Variants in RASGRF2 observed in about 807,000 individuals in gnomAD.
RASGRF2 encodes the protein Ras protein specific guanine nucleotide releasing factor 2.
In RASGRF2, 76 loss-of-function variants were observed where a neutral mutation model predicts 151.0. The observed-to-expected ratio is 0.50, with a 90% confidence interval of 0.42 to 0.61. RASGRF2 has a LOEUF of 0.61. Among genes scored for constraint, RASGRF2 ranks in the 20% least tolerant of loss-of-function variants. The probability of loss-of-function intolerance (pLI) is 0.00; values close to 1 mark genes in which losing one functional copy is unlikely to be tolerated. For missense variants in RASGRF2, 1,148 were observed against 1,564.6 expected, an observed-to-expected ratio of 0.73 and a Z score of 4.49; for synonymous variants, 504 against 566.5, an observed-to-expected ratio of 0.89 and a Z score of 1.57.
intron 12 of RASGRF2, among the ~76,000 whole-genome samples, chr5:81,105,665 G>C (rs756279872): frequency 1.3e-5 from 2 of 152,176 alleles, no homozygotes; most frequent in Non-Finnish European, 2.9e-5. Context: ...TACCCAAGGG[G>C]CTTCCTCAGT....
At chr5:81,172,434 CGTGTGTGTGT>C (rs57957668) in intron 17 of RASGRF2, among the ~76,000 whole-genome samples, 3,906 of 145,572 alleles carry the variant, frequency 0.027, 136 homozygotes, top group African/African-American at 0.084. Context: ...CAAGGATGTG[CGTGTGTGTGT>C]GTGTGTGTGT....
chr5:81,096,836 C>G (rs1208795378), intron 12 of RASGRF2, among the ~76,000 whole-genome samples: 1 of 152,042 alleles, frequency 6.6e-6, no homozygotes, highest in Non-Finnish European at 1.5e-5. Flanking sequence ...ACAACTTCCT[C>G]CTTATTTCTC....
intron 1 of RASGRF2, among the ~76,000 whole-genome samples, chr5:80,982,579 T>TTTATTATTATTATTATTA (rs1580165324): frequency 2.3e-5 from 1 of 43,818 alleles, no homozygotes; most frequent in East Asian, 1.1e-3. Context: ...GAAATTTGGT[T>TTTATTATTATTATTATTA]CTATTATTAT....
intron 1 of RASGRF2, among the ~76,000 whole-genome samples, chr5:81,040,680 G>A (rs1750651121): frequency 6.6e-6 from 1 of 152,186 alleles, no homozygotes; most frequent in Admixed American, 6.5e-5. Context: ...TGGTTCCTGT[G>A]CTTTTTGCTA....
At chr5:81,219,342 A>C (rs557224281) in intron 25 of RASGRF2, among the ~76,000 whole-genome samples, 7 of 152,224 alleles carry the variant, frequency 4.6e-5, no homozygotes, top group African/African-American at 1.4e-4. Context: ...CGGCCTCCCA[A>C]AGTGCTGGGA....
intron 17 of RASGRF2, among the ~76,000 whole-genome samples, chr5:81,155,938 C>T (rs1332411624): frequency 1.3e-5 from 2 of 152,148 alleles, no homozygotes; most frequent in South Asian, 2.1e-4. Context: ...ATCTAAACAA[C>T]TTTATCTTGC....
intron 18 of RASGRF2, among the ~76,000 whole-genome samples, chr5:81,193,808 G>A (rs759176866): frequency 2.6e-5 from 4 of 152,286 alleles, no homozygotes; most frequent in Non-Finnish European, 4.4e-5. Context: ...ATGAGCTACC[G>A]TGCCCAGCTC....
chr5:81,144,361 A>G (rs966858884), intron 17 of RASGRF2, among the ~76,000 whole-genome samples: 1 of 152,186 alleles, frequency 6.6e-6, no homozygotes, highest in Non-Finnish European at 1.5e-5. Context: ...ATCCCCTTAG[A>G]CTGTAGGTCC....
At chr5:81,194,179 TAAAAAAA>T (rs34067957) in intron 18 of RASGRF2, among the ~76,000 whole-genome samples, 1 of 131,032 alleles carries the variant, frequency 7.6e-6, no homozygotes, top group African/African-American at 2.9e-5. Context: ...GCCCCATCTC[TAAAAAAA>T]AAAAAAAAAA....
At chr5:81,149,486 G>A (rs1158716791) in intron 17 of RASGRF2, among the ~76,000 whole-genome samples, 1 of 152,070 alleles carries the variant, frequency 6.6e-6, no homozygotes, top group Non-Finnish European at 1.5e-5. Context: ...AGGAAGGGTG[G>A]GAGGGGAGGA....
At chr5:81,190,352 G>A (rs748764527) in intron 18 of RASGRF2, among the ~76,000 whole-genome samples, 30 of 152,242 alleles carry the variant, frequency 2.0e-4, no homozygotes, top group East Asian at 1.4e-3. Context: ...TGCCTTAGGC[G>A]TCACATTTCA....
Position 81,073,329 on chromosome 5 carries a change from A to G in RASGRF2, c.764A>G (p.Glu255Gly). The change falls in exon 5 of 27, where the codon GAG becomes GGG. Residue 255 changes from glutamate (E) to glycine (G), a missense_variant. Coordinates refer to ENST00000265080, the MANE Select transcript of RASGRF2 (RefSeq NM_006909.3). ...ATTGTGTTCACCATGGTGGAGGCAGAGTCAGAGTACGTTCACCAGCTCTAC... is the reference window on the plus strand; with the variant it reads ...ATTGTGTTCACCATGGTGGAGGCAGGGTCAGAGTACGTTCACCAGCTCTAC... ...NQIVFTMVEA[E>G]SEYVHQLYIL... 1.5e-5 allele frequency: 24 copies of G among 1,614,186 alleles called. No homozygotes were observed. The highest frequency in any genetic ancestry group is 2.0e-5 in the Non-Finnish European group (24 of 1,180,022).
chr5:81,073,721 C>G (rs944954752), intron 5 of RASGRF2, among the ~76,000 whole-genome samples: 4 of 152,126 alleles, frequency 2.6e-5, no homozygotes, highest in Non-Finnish European at 5.9e-5. Flanking sequence ...CGGGTTCACG[C>G]CATCCTCCTG....
At position 80,977,204 on chromosome 5, in the gene RASGRF2, T is replaced by C. The variant is rs78352698; in HGVS notation, c.288+16178T>C. Among the ~76,000 whole-genome samples the C allele has an allele frequency of 3.6e-3, 549 of 152,300 alleles. 3 individuals carry two copies. Among genetic ancestry groups the C allele is most frequent in the Admixed American group, 7.2e-3 (110 of 15,296 alleles). ...TGTTTACCTGGCCTGTCCTTTGTTATAGCACGGAAGGAGCCATGGCATTCC... is the reference window on the plus strand; with the variant it reads ...TGTTTACCTGGCCTGTCCTTTGTTACAGCACGGAAGGAGCCATGGCATTCC... On this transcript the variant is annotated intron_variant, in intron 1 of 26. Coordinates refer to ENST00000265080, the MANE Select transcript of RASGRF2 (RefSeq NM_006909.3).
At chr5:81,045,080 A>T (rs1394530861) in intron 2 of RASGRF2, among the ~76,000 whole-genome samples, 1 of 152,024 alleles carries the variant, frequency 6.6e-6, no homozygotes. Context: ...GAGGGTTTTG[A>T]TCCAGACTTA....
At chr5:81,097,086 C>T (rs1331500825) in intron 12 of RASGRF2, among the ~76,000 whole-genome samples, 5 of 152,014 alleles carry the variant, frequency 3.3e-5, no homozygotes, top group Non-Finnish European at 5.9e-5. Flanking sequence ...CTCAGCTTCC[C>T]GAGTAGCTGG....
At chr5:81,219,583 C>T in intron 25 of RASGRF2, 127 bp from the exon 26 acceptor site, 2 of 677,360 alleles carry the variant, frequency 3.0e-6, no homozygotes, top group Non-Finnish European at 5.1e-6. Context: ...AGGCAGGCTC[C>T]ACCCGCCTCA....
At chr5:81,192,171 T>C (rs1040078486) in intron 18 of RASGRF2, among the ~76,000 whole-genome samples, 2 of 152,210 alleles carry the variant, frequency 1.3e-5, no homozygotes, top group African/African-American at 4.8e-5. Context: ...CTTACCAGAT[T>C]TGGGGTTTAA....
At chr5:81,183,250 C>T in intron 18 of RASGRF2, 1 of 979,766 alleles carries the variant, frequency 1.0e-6, no homozygotes, top group Non-Finnish European at 1.2e-6. Context: ...GATTTACCCA[C>T]AGATCTAGAG....
Sources: gnomAD v4.1 joint callset for allele counts (sites outside exome capture counted in the v4.1 genomes callset) on GRCh38, gnomAD v4.1.1 for gene constraint, MANE v1.5 for transcripts, NCBI Gene and HGNC (gene_info 2026-07-23, HGNC 2026-07-21) for gene names.